Variants in ETFB observed in about 807,000 individuals in gnomAD.
The protein encoded by ETFB is beta-ETF.
A neutral mutation model predicts 25.6 loss-of-function variants in ETFB; 20 were observed. The observed-to-expected ratio is 0.78, with a 90% CI of 0.55 to 1.14. ETFB has a LOEUF of 1.14. ETFB is among the 50% of genes most tolerant of loss of function. The pLI is 0.00. For synonymous variants in ETFB, 142 were observed against 146.7 expected (o/e 0.97, Z 0.23); for missense variants, 286 against 342.6 (o/e 0.83, Z 1.30).
intron 3 of ETFB, among the ~76,000 whole-genome samples, chr19:51,352,061 C>T (rs1380807475): frequency 6.6e-6 from 1 of 151,846 alleles, no homozygotes; most frequent in African/African-American, 2.4e-5. Context: ...AGGTGGTGCC[C>T]GAGGGTCTCC....
intron 1 of ETFB, chr19:51,354,626 G>C: frequency 6.2e-7 from 1 of 1,613,800 alleles, no homozygotes; most frequent in Non-Finnish European, 8.5e-7. Context: ...GTAACCCACA[G>C]TGAGAGGTAC....
In ETFB at chr19:51,346,991, C is replaced by G; in HGVS notation, c.506G>C (p.Gly169Ala). 1 of 1,611,562 alleles carries G rather than the reference C, an allele frequency of 6.2e-7. No individual in the cohort carries two copies. The highest frequency in any genetic ancestry group is 8.5e-7 in the Non-Finnish European group (1 of 1,179,026). The change falls in exon 5 of 6, where the codon GGC becomes GCC. Residue 169 changes from glycine to alanine, a missense_variant. Gly to Ala is a moderately conservative substitution (Grantham distance 60, BLOSUM62 0). Coordinates refer to ENST00000309244, the MANE Select transcript of ETFB (RefSeq NM_001985.3). ...KLKVEREIDG[G>A]LETLRLKLPA... ...CAGCTTCAGGCGCAGGGTCTCCAGG[C>G]CCCCATCGATCTCCCGCTCCACTTT...
At position 51,366,359 on chromosome 19, in the gene ETFB, G is replaced by T. The variant is rs754140700; in HGVS notation, c.-33C>A. ...CCGCAGCCACTTACAGGGTCAGCCC[G>T]CACCCTCAGCGGCTCAGTCCAGAAG... is the stretch of plus-strand genomic sequence containing the variant. On this transcript the variant is annotated 5_prime_UTR_variant, in exon 1 of 6. Transcript: ENST00000309244. The T allele has an allele frequency of 6.9e-6, 11 of 1,605,796 alleles. No individual in the cohort carries two copies. The highest frequency in any genetic ancestry group is 3.3e-5 in the South Asian group (3 of 90,250).
chr19:51,366,270 C>T lies in ETFB; in HGVS notation c.57G>A (p.Lys19=), dbSNP rs1986363912. ...ATGTGGGAGAGGGGGGCCCGATCAC[C>T]TTCACGGCGTAGTCGATGACCCTCT... ...AVKRVIDYAV[K]IRVKPDRTGV... The change falls in exon 1 of 6, where the codon AAG becomes AAA. Residue 19 remains lysine, a splice_region_variant and synonymous_variant. Coordinates refer to ENST00000309244, the MANE Select transcript of ETFB (RefSeq NM_001985.3). The T allele has an allele frequency of 3.1e-6, 5 of 1,613,916 alleles. No homozygotes were observed. In the South Asian group the frequency reaches 5.5e-5, roughly 18 times the overall value.
Position 51,345,337 on chromosome 19 carries a change from C to G in ETFB, c.642G>C (p.Leu214=), listed in dbSNP as rs1373392326. 1 of 1,614,008 alleles carries G rather than the reference C, an allele frequency of 6.2e-7. No individual in the cohort carries two copies. The stretch of plus-strand genomic sequence containing the variant: ...AGAGCTTGGAGGTCAGGTCCACACC[C>G]AGGTCCCCAGGCTTGATCACCTCGA... ...KKIEVIKPGD[L]GVDLTSKLSV... The change falls in exon 6 of 6, where the codon CTG becomes CTC. Residue 214 remains leucine (L), a synonymous_variant. Transcript: ENST00000309244.
At chr19:51,352,327 A>T (rs1403709130) in intron 3 of ETFB, among the ~76,000 whole-genome samples, 1 of 152,098 alleles carries the variant, frequency 6.6e-6, no homozygotes, top group African/African-American at 2.4e-5. Context: ...TTTCAAGCCC[A>T]GGCCTGTCTC....
At chr19:51,357,586 T>C (rs143288489) in intron 1 of ETFB, among the ~76,000 whole-genome samples, 304 of 148,692 alleles carry the variant, frequency 2.0e-3, no homozygotes, top group African/African-American at 7.1e-3. Flanking sequence ...GCCTCCCCAG[T>C]TCAAGCGATT....
At chr19:51,349,670 C>A (rs1360871975) in intron 4 of ETFB, among the ~76,000 whole-genome samples, 2 of 152,070 alleles carry the variant, frequency 1.3e-5, no homozygotes, top group East Asian at 1.9e-4. Flanking sequence ...GTCTCGAACT[C>A]CTGGGCTCAA....
intron 1 of ETFB, among the ~76,000 whole-genome samples, chr19:51,365,918 T>C (rs1986352014): frequency 6.6e-6 from 1 of 152,186 alleles, no homozygotes; most frequent in African/African-American, 2.4e-5. Flanking sequence ...GATAGAACTC[T>C]CGGCTCTGCC....
intron 1 of ETFB, chr19:51,356,655 G>C (rs1986087211): frequency 6.6e-6 from 1 of 152,196 alleles, no homozygotes; most frequent in Non-Finnish European, 1.5e-5. Context: ...TTCCGGTGTA[G>C]ACCAGGGTGT....
At chr19:51,365,738 C>T (rs1243030135) in intron 1 of ETFB, among the ~76,000 whole-genome samples, 1 of 152,220 alleles carries the variant, frequency 6.6e-6, no homozygotes, top group Non-Finnish European at 1.5e-5. Flanking sequence ...ACACACTTCT[C>T]TCTCCCTAGC....
intron 1 of ETFB, chr19:51,354,627 T>G (rs1020719727): frequency 6.3e-7 from 1 of 1,589,940 alleles, no homozygotes; most frequent in Admixed American, 1.7e-5. Context: ...TAACCCACAG[T>G]GAGAGGTACA....
intron 1 of ETFB, among the ~76,000 whole-genome samples, chr19:51,361,436 G>A (rs919192900): frequency 2.0e-5 from 3 of 152,134 alleles, no homozygotes; most frequent in Non-Finnish European, 2.9e-5. Context: ...CAGAGAACTC[G>A]TCCCTGAGGT....
intron 1 of ETFB, among the ~76,000 whole-genome samples, chr19:51,364,079 G>A (rs1171037817): frequency 6.6e-6 from 1 of 152,168 alleles, no homozygotes; most frequent in Admixed American, 6.5e-5. Context: ...TGAGCTCTGG[G>A]TGCAGAAAGG....
intron 3 of ETFB, 128 bp from the exon 4 acceptor site, chr19:51,350,519 C>G: frequency 3.1e-6 from 2 of 645,344 alleles, no homozygotes; most frequent in Non-Finnish European, 2.9e-6. Context: ...GAGTCTTGCT[C>G]TGTCACCCAG....
chr19:51,366,165 G>T, intron 1 of ETFB, 105 bp downstream of exon 1: 4 of 1,141,754 alleles, frequency 3.5e-6, no homozygotes, highest in Non-Finnish European at 5.3e-6. Flanking sequence ...GGTTAAAGCG[G>T]CAGAGGTCGG....
intron 1 of ETFB, chr19:51,356,176 C>G (rs1299045251): frequency 6.6e-6 from 1 of 152,062 alleles, no homozygotes; most frequent in Non-Finnish European, 1.5e-5. Context: ...TTGGGCTTCC[C>G]TCTCCTCTGT....
At chr19:51,354,741 G>C in intron 1 of ETFB, 1 of 1,354,030 alleles carries the variant, frequency 7.4e-7, no homozygotes, top group Non-Finnish European at 1.0e-6. Context: ...GTTAAGGGTG[G>C]TCCTCAGAGG....
chr19:51,346,252 G>A lies in ETFB; in HGVS notation c.597+648C>T, dbSNP rs74176126. 8.4e-4 allele frequency: 30 copies of A among 35,888 alleles called. 3 individuals carry two copies. The highest frequency in any genetic ancestry group is 4.7e-4 in the Non-Finnish European group (6 of 12,656). The allele number at this position is 35,888 out of a possible 1,614,324, so 2.2% of individuals were successfully genotyped here. A position where few individuals can be genotyped will look rare whatever the true frequency, so the allele number is the denominator to read the frequency against. The stretch of plus-strand genomic sequence containing the variant: ...ATGATGCGCTGAACCCTCCCTATAG[G>A]CTGAGATGATGCGCTGAACCCTCCC... On this transcript the variant is annotated intron_variant, in intron 5 of 5. Coordinates refer to ENST00000309244, the MANE Select transcript of ETFB (RefSeq NM_001985.3).
Sources: allele counts gnomAD v4.1 joint callset (sites outside exome capture counted in the v4.1 genomes callset), GRCh38; gene constraint gnomAD v4.1.1; transcripts MANE v1.5; gene names NCBI Gene and HGNC (gene_info 2026-07-23, HGNC 2026-07-21).